TOX3: variants seen among roughly 807,000 people sequenced by gnomAD.
The protein encoded by TOX3 is TOX high mobility group box family member 3.
TOX3 carries 22 observed loss-of-function variants against 64.3 expected under a neutral mutation model. The ratio of observed to expected loss-of-function variants is 0.34; its 90% CI spans 0.24 to 0.49. The LOEUF (loss-of-function observed/expected upper bound fraction) is 0.49, where lower values mean the gene tolerates loss of function less well. Ranked by LOEUF, TOX3 falls within the 20% of genes least tolerant of loss-of-function variation. The probability of loss-of-function intolerance (pLI) is 0.99; values close to 1 mark genes in which losing one functional copy is unlikely to be tolerated. For synonymous variants in TOX3, 291 were observed against 273.6 expected (o/e 1.06, Z -0.63); for missense variants, 661 against 714.4 (o/e 0.93, Z 0.85).
chr16:52,523,001 T>C (rs1480426748), intron 1 of TOX3, among the ~76,000 whole-genome samples: 2 of 152,168 alleles, frequency 1.3e-5, no homozygotes, highest in Admixed American at 6.5e-5. Flanking sequence ...CGCCAGGTTA[T>C]GTTCTAGCAT....
intron 1 of TOX3, among the ~76,000 whole-genome samples, chr16:52,513,096 G>A (rs563867153): frequency 7.9e-5 from 12 of 152,220 alleles, no homozygotes; most frequent in African/African-American, 9.6e-5. Context: ...TGACTCTTTG[G>A]GGAGCTTAAG....
rs192056942 is a variant in TOX3, at chr16:52,535,394, C to T, written c.87+11243G>A. 2.6e-3 allele frequency among the ~76,000 whole-genome samples: 397 copies of T among 152,274 alleles called. 3 individuals are homozygous for T. The highest frequency in any genetic ancestry group is 4.5e-3 in the Non-Finnish European group (308 of 68,028). ...GCATGTGGCAGCTTCTGGAAACCTC[C>T]GTTTGCCCTTGATCCCCTTCAATCC... is the stretch of plus-strand genomic sequence containing the variant. On this transcript the variant is annotated intron_variant, in intron 1 of 6. Transcript: ENST00000219746.
At chr16:52,472,975 T>C (rs1961090716) in intron 1 of TOX3, among the ~76,000 whole-genome samples, 1 of 152,182 alleles carries the variant, frequency 6.6e-6, no homozygotes, top group Non-Finnish European at 1.5e-5. Context: ...TACTTGGAGG[T>C]AGATTTGCTT....
At chr16:52,519,419 G>T (rs1354188479) in intron 1 of TOX3, 1 of 1,551,528 alleles carries the variant, frequency 6.4e-7, no homozygotes, top group Non-Finnish European at 8.7e-7. Context: ...CAGATAGGTA[G>T]TTATCAGGTA....
At chr16:52,487,126 T>C (rs1961553500) in intron 1 of TOX3, among the ~76,000 whole-genome samples, 1 of 152,000 alleles carries the variant, frequency 6.6e-6, no homozygotes, top group Non-Finnish European at 1.5e-5. Flanking sequence ...TATTTTCTTA[T>C]AATAAAGCAG....
chr16:52,513,566 C>T (rs530172172), intron 1 of TOX3, among the ~76,000 whole-genome samples: 20 of 152,252 alleles, frequency 1.3e-4, no homozygotes, highest in Admixed American at 2.6e-4. Context: ...ACCTACAATC[C>T]TATAAGGGCT....
At chr16:52,514,275 A>G (rs1962386119) in intron 1 of TOX3, among the ~76,000 whole-genome samples, 1 of 152,216 alleles carries the variant, frequency 6.6e-6, no homozygotes, top group South Asian at 2.1e-4. Flanking sequence ...ACCCAAACAT[A>G]CAAGTTTAAC....
intron 1 of TOX3, among the ~76,000 whole-genome samples, chr16:52,474,536 G>T (rs781070605): frequency 6.6e-6 from 1 of 151,978 alleles, no homozygotes; most frequent in East Asian, 1.9e-4. Flanking sequence ...AGGATTGCTT[G>T]AGCCCAGGAG....
chr16:52,459,139 G>A (rs537803519), intron 3 of TOX3, among the ~76,000 whole-genome samples: 1 of 152,132 alleles, frequency 6.6e-6, no homozygotes, highest in East Asian at 1.9e-4. Context: ...CTGAGAGCAA[G>A]GCCCTGTCTC....
chr16:52,452,673 G>A (rs1441950717), intron 3 of TOX3, among the ~76,000 whole-genome samples: 2 of 120,880 alleles, frequency 1.7e-5, no homozygotes, highest in African/African-American at 7.2e-5. Context: ...AAAACTTAAA[G>A]TATAATAATA....
At chr16:52,466,547 T>C (rs555413107) in intron 2 of TOX3, among the ~76,000 whole-genome samples, 1 of 152,328 alleles carries the variant, frequency 6.6e-6, no homozygotes, top group African/African-American at 2.4e-5. Flanking sequence ...TTGGGCTTTA[T>C]TTTTTGTTCA....
At chr16:52,483,640 C>T (rs919291425) in intron 1 of TOX3, among the ~76,000 whole-genome samples, 54 of 144,620 alleles carry the variant, frequency 3.7e-4, no homozygotes, top group African/African-American at 1.4e-3. Context: ...GCGATCACGG[C>T]TCACTTCAAC....
chr16:52,445,235 C>G (rs1041282189), intron 5 of TOX3: 1 of 152,312 alleles, frequency 6.6e-6, no homozygotes, highest in Non-Finnish European at 1.5e-5. Context: ...TAAACAAAAT[C>G]AAGGACTTTC....
chr16:52,439,280 G>A lies in TOX3; in HGVS notation c.1676C>T (p.Ser559Leu), dbSNP rs767805399. The change falls in exon 7 of 7, where the codon TCG becomes TTG. Residue 559 changes from serine (S) to leucine (L), a missense_variant. Coordinates refer to ENST00000219746, the MANE Select transcript of TOX3 (RefSeq NM_001080430.4). The part of the protein sequence containing the change: ...SPQPASQQHQ[S>L]QIQSQTQTQV... ...AGTCTGTGTCTGAGACTGTATTTGC[G>A]ACTGGTGCTGCTGAGAGGCTGGCTG... 1.2e-5 allele frequency: 20 copies of A among 1,613,700 alleles called. No homozygotes were observed. Among genetic ancestry groups the A allele is most frequent in the Non-Finnish European group, 1.7e-5 (20 of 1,179,862 alleles).
At chr16:52,511,214 C>G (rs1483589125) in intron 1 of TOX3, among the ~76,000 whole-genome samples, 1 of 152,170 alleles carries the variant, frequency 6.6e-6, no homozygotes, top group East Asian at 1.9e-4. Context: ...GTAAGGCTGG[C>G]TGGGCACGGT....
intron 1 of TOX3, among the ~76,000 whole-genome samples, chr16:52,502,088 A>G (rs951018001): frequency 1.2e-4 from 18 of 152,320 alleles, no homozygotes; most frequent in Non-Finnish European, 1.3e-4. Flanking sequence ...GACACACTGC[A>G]ACTCCATTCT....
chr16:52,440,871 C>T (rs1464574637), intron 6 of TOX3, among the ~76,000 whole-genome samples: 1 of 148,750 alleles, frequency 6.7e-6, no homozygotes, highest in East Asian at 2.1e-4. Context: ...TGCCATTCTC[C>T]TGCCTCAGCC....
intron 3 of TOX3, among the ~76,000 whole-genome samples, chr16:52,452,936 G>T (rs943712894): frequency 6.6e-6 from 1 of 152,054 alleles, no homozygotes; most frequent in African/African-American, 2.4e-5. Context: ...ACAATATTAC[G>T]TTCTACTTGC....
intron 1 of TOX3, among the ~76,000 whole-genome samples, chr16:52,502,326 C>T (rs899628258): frequency 1.3e-5 from 2 of 152,170 alleles, no homozygotes; most frequent in Non-Finnish European, 2.9e-5. Flanking sequence ...TCTAAAATGT[C>T]TGTCCTCATA....
Sources: allele counts gnomAD v4.1 joint callset (sites outside exome capture counted in the v4.1 genomes callset), GRCh38; gene constraint gnomAD v4.1.1; transcripts MANE v1.5; gene names NCBI Gene and HGNC (gene_info 2026-07-23, HGNC 2026-07-21).